Variants in SLCO5A1 observed in about 807,000 individuals in gnomAD.
SLCO5A1 encodes organic anion transporter polypeptide-related protein 4.
A neutral mutation model predicts 65.1 loss-of-function variants in SLCO5A1; 39 were observed. The ratio of observed to expected loss-of-function variants is 0.60; its 90% CI spans 0.46 to 0.78. SLCO5A1 has a LOEUF of 0.78. Among genes scored for constraint, SLCO5A1 ranks in the 30% least tolerant of loss-of-function variants. The pLI, the probability that SLCO5A1 is intolerant of heterozygous loss-of-function variation, is 0.00. For synonymous variants in SLCO5A1, 438 were observed against 415.7 expected (o/e 1.05, Z -0.65); for missense variants, 1,029 against 1,069.4 (o/e 0.96, Z 0.53).
chr8:69,714,324 C>T (rs1391620230), intron 5 of SLCO5A1, among the ~76,000 whole-genome samples: 3 of 152,204 alleles, frequency 2.0e-5, no homozygotes, highest in Non-Finnish European at 4.4e-5. Context: ...GGTAGCAAAT[C>T]CCTATTTGGA....
At chr8:69,687,944 A>G (rs1191197316) in intron 6 of SLCO5A1, among the ~76,000 whole-genome samples, 1 of 152,032 alleles carries the variant, frequency 6.6e-6, no homozygotes, top group Non-Finnish European at 1.5e-5. Context: ...AATGATACTC[A>G]TAGGCATTTT....
intron 4 of SLCO5A1, among the ~76,000 whole-genome samples, chr8:69,747,820 C>T (rs1817108127): frequency 6.6e-6 from 1 of 152,180 alleles, no homozygotes. Flanking sequence ...ACCTTAGTAA[C>T]TTCTATGGCC....
chr8:69,789,839 CAG>C (rs1282672782), intron 2 of SLCO5A1, among the ~76,000 whole-genome samples: 2 of 151,990 alleles, frequency 1.3e-5, no homozygotes, highest in African/African-American at 4.8e-5. Flanking sequence ...AAAATATTGA[CAG>C]TACAACAGAG....
intron 2 of SLCO5A1, among the ~76,000 whole-genome samples, chr8:69,763,797 T>C (rs1490165160): frequency 6.6e-6 from 1 of 152,066 alleles, no homozygotes; most frequent in African/African-American, 2.4e-5. Context: ...TCCTTGAGAA[T>C]CATAGAAAAA....
chr8:69,669,815 C>CAA lies in SLCO5A1; in HGVS notation c.*3052_*3053dup, dbSNP rs60084340. On this transcript the variant is annotated 3_prime_UTR_variant, in exon 10 of 10. Transcript: ENST00000260126. ...TGGGTGACAGAGCAAGACTCTGTCTCAAAAAAAAAAAAAGAATCAAATCTT... is the reference window on the plus strand; with the variant it reads ...TGGGTGACAGAGCAAGACTCTGTCTCAAAAAAAAAAAAAAAGAATCAAATCTT... 0.26 allele frequency: 36,879 copies of CAA among 143,934 alleles called. 4,936 individuals are homozygous for CAA. Among genetic ancestry groups the CAA allele is most frequent in the East Asian group, 0.54 (2,649 of 4,920 alleles). 8.9% of individuals were successfully genotyped at this position (143,934 alleles called of 1,614,324 possible). A position where few individuals can be genotyped will look rare whatever the true frequency, so the allele number is the denominator to read the frequency against.
At chr8:69,750,642 G>A (rs1004368049) in intron 4 of SLCO5A1, among the ~76,000 whole-genome samples, 14 of 151,972 alleles carry the variant, frequency 9.2e-5, no homozygotes, top group African/African-American at 3.1e-4. Context: ...CCTGACACCC[G>A]CCTCCACCTA....
chr8:69,799,949 T>G (rs1819663768), intron 2 of SLCO5A1, among the ~76,000 whole-genome samples: 1 of 152,204 alleles, frequency 6.6e-6, no homozygotes, highest in South Asian at 2.1e-4. Context: ...ACTATGGATT[T>G]CATTTTTTAT....
intron 6 of SLCO5A1, among the ~76,000 whole-genome samples, chr8:69,693,373 G>A (rs1279499170): frequency 1.3e-5 from 2 of 152,146 alleles, no homozygotes; most frequent in African/African-American, 4.8e-5. Flanking sequence ...CCCCATCTCA[G>A]GCACTTAGGT....
Position 69,831,775 on chromosome 8 carries a change from AAGG to A in SLCO5A1, c.896_898del (p.Ser299del), listed in dbSNP as rs746627501. The A allele has an allele frequency of 3.1e-6, 5 of 1,613,888 alleles. No homozygotes were observed. The highest frequency in any genetic ancestry group is 1.1e-5 in the South Asian group (1 of 90,994). ...GAACAGGAAAGTCTTACCTAGGTACAAGGAGGAGTTTTCTTTCTTGACATTGTC... is the reference window on the plus strand; with the variant it reads ...GAACAGGAAAGTCTTACCTAGGTACAAGGAGTTTTCTTTCTTGACATTGTC... On this transcript the variant is annotated inframe_deletion, in exon 2 of 10. Coordinates refer to ENST00000260126, the MANE Select transcript of SLCO5A1 (RefSeq NM_030958.3).
intron 5 of SLCO5A1, among the ~76,000 whole-genome samples, chr8:69,717,100 T>G (rs550124537): frequency 3.3e-5 from 5 of 152,304 alleles, no homozygotes; most frequent in Admixed American, 6.5e-5. Context: ...TTTGATGGTG[T>G]CCTTTGATGA....
chr8:69,772,633 GGA>G (rs1402481889), intron 2 of SLCO5A1, among the ~76,000 whole-genome samples: 1 of 150,240 alleles, frequency 6.7e-6, no homozygotes, highest in Non-Finnish European at 1.5e-5. Flanking sequence ...GGAAAGGAAA[GGA>G]AAGGAAAGGA....
chr8:69,808,614 T>C (rs1371832320), intron 2 of SLCO5A1, among the ~76,000 whole-genome samples: 1 of 152,218 alleles, frequency 6.6e-6, no homozygotes, highest in East Asian at 1.9e-4. Context: ...TTGTGAATAG[T>C]GCTGCAATGA....
intron 6 of SLCO5A1, among the ~76,000 whole-genome samples, chr8:69,695,270 G>A (rs1450111963): frequency 2.6e-5 from 4 of 152,058 alleles, no homozygotes; most frequent in Admixed American, 6.6e-5. Flanking sequence ...AGAGGCAGGC[G>A]GATCACGTAA....
At chr8:69,755,827 A>G (rs527548084) in intron 3 of SLCO5A1, among the ~76,000 whole-genome samples, 186 bp from the exon 4 acceptor site, 1 of 152,346 alleles carries the variant, frequency 6.6e-6, no homozygotes, top group South Asian at 2.1e-4. Flanking sequence ...TATAAATGAG[A>G]AATCTACTCA....
chr8:69,767,381 G>T (rs1328955054), intron 2 of SLCO5A1, among the ~76,000 whole-genome samples: 1 of 152,156 alleles, frequency 6.6e-6, no homozygotes, highest in Non-Finnish European at 1.5e-5. Flanking sequence ...GTACTACATA[G>T]TGGATAAAGC....
intron 2 of SLCO5A1, among the ~76,000 whole-genome samples, chr8:69,819,974 A>C (rs1313666733): frequency 6.6e-6 from 1 of 152,156 alleles, no homozygotes; most frequent in Non-Finnish European, 1.5e-5. Flanking sequence ...AAAACAAAAC[A>C]AAACAAAACA....
intron 6 of SLCO5A1, among the ~76,000 whole-genome samples, chr8:69,695,908 G>T (rs1035596016): frequency 3.3e-5 from 5 of 152,136 alleles, no homozygotes; most frequent in African/African-American, 1.2e-4. Context: ...CAAGACCAGG[G>T]TATGATAAAG....
At chr8:69,788,232 C>T (rs561194521) in intron 2 of SLCO5A1, among the ~76,000 whole-genome samples, 9 of 152,238 alleles carry the variant, frequency 5.9e-5, no homozygotes, top group African/African-American at 1.9e-4. Context: ...GTGAAGTATG[C>T]TCATCCCATA....
chr8:69,735,075 A>G (rs1449199718), intron 5 of SLCO5A1, among the ~76,000 whole-genome samples: 2 of 152,230 alleles, frequency 1.3e-5, no homozygotes, highest in African/African-American at 4.8e-5. Flanking sequence ...AAAAAAGCTC[A>G]ACATCACTGA....
Sources: allele counts gnomAD v4.1 joint callset (sites outside exome capture counted in the v4.1 genomes callset), GRCh38; gene constraint gnomAD v4.1.1; transcripts MANE v1.5; gene names NCBI Gene and HGNC (gene_info 2026-07-23, HGNC 2026-07-21).